CTNNA1: variants seen among roughly 807,000 people sequenced by gnomAD.
The protein encoded by CTNNA1 is catenin alpha-1.
Under a neutral mutation model 98.4 loss-of-function variants are expected in CTNNA1, and 37 were observed. That is an observed-to-expected ratio of 0.38 (90% CI 0.29 to 0.49). The LOEUF (loss-of-function observed/expected upper bound fraction) is 0.49, where lower values mean the gene tolerates loss of function less well. Ranked by LOEUF, CTNNA1 falls within the 20% of genes least tolerant of loss-of-function variation. The pLI is 0.95. For missense variants in CTNNA1, 761 were observed against 1,147.2 expected, an observed-to-expected ratio of 0.66 and a Z score of 4.86; for synonymous variants, 404 against 413.2, an observed-to-expected ratio of 0.98 and a Z score of 0.27.
chr5:138,874,901 G>C lies in CTNNA1; in HGVS notation c.1063-11311G>C. ...AATGTACAAGACATATAAATGCACA[G>C]ACTTACCCATTCTTCTGAGCACATT... On this transcript the variant is annotated intron_variant, in intron 7 of 17. Transcript: ENST00000302763. This position sits in a 1 kb window ranked among gnomAD's most constrained non-coding sequence, Gnocchi z 4.1. 1 of 1,612,986 alleles carries C rather than the reference G, an allele frequency of 6.2e-7. No individual in the cohort carries two copies. The highest frequency in any genetic ancestry group is 8.5e-7 in the Non-Finnish European group (1 of 1,179,246).
At chr5:138,924,438 G>A in intron 11 of CTNNA1, 72 bp from the exon 12 acceptor site, 1 of 1,476,234 alleles carries the variant, frequency 6.8e-7, no homozygotes, top group East Asian at 2.3e-5. Context: ...ATAAATGATA[G>A]ATGCCAGCTT....
At chr5:138,828,674 G>A (rs189518883) in intron 7 of CTNNA1, among the ~76,000 whole-genome samples, 3 of 152,120 alleles carry the variant, frequency 2.0e-5, no homozygotes, top group South Asian at 2.1e-4. Context: ...TCATTTGTTC[G>A]TTTGCCATAC....
chr5:138,788,912 A>G (rs754062414), intron 3 of CTNNA1, among the ~76,000 whole-genome samples: 6 of 152,210 alleles, frequency 3.9e-5, no homozygotes, highest in Non-Finnish European at 8.8e-5. Context: ...CTACTTCTGT[A>G]GCTTCTTCCC....
intron 11 of CTNNA1, among the ~76,000 whole-genome samples, chr5:138,920,545 A>C (rs1762719759): frequency 6.6e-6 from 1 of 152,254 alleles, no homozygotes; most frequent in Non-Finnish European, 1.5e-5. Flanking sequence ...CTTTTGAGGT[A>C]GGTGGGCTTC....
At chr5:138,767,129 C>T (rs1313312832) in intron 1 of CTNNA1, among the ~76,000 whole-genome samples, 9 of 152,084 alleles carry the variant, frequency 5.9e-5, no homozygotes, top group East Asian at 3.9e-4. Flanking sequence ...CTCCTCCTCC[C>T]GGGTTCACGC....
intron 14 of CTNNA1, 145 bp downstream of exon 14, chr5:138,929,501 T>G (rs563149118): frequency 5.0e-6 from 3 of 604,566 alleles, no homozygotes; most frequent in African/African-American, 3.7e-5. Context: ...TTAAACTAAG[T>G]TGTGGCACCT....
chr5:138,899,872 A>G (rs1236798914), intron 9 of CTNNA1, among the ~76,000 whole-genome samples: 1 of 152,264 alleles, frequency 6.6e-6, no homozygotes, highest in East Asian at 1.9e-4. Context: ...TTTTAAGTGT[A>G]CAATTCAGAT....
At chr5:138,779,318 T>G (rs1580962714) in intron 1 of CTNNA1, among the ~76,000 whole-genome samples, 2 of 152,226 alleles carry the variant, frequency 1.3e-5, no homozygotes, top group African/African-American at 2.4e-5. Context: ...CCCTTTCTTT[T>G]GAGGATCCCT....
chr5:138,838,380 C>G (rs1412420865), intron 7 of CTNNA1, among the ~76,000 whole-genome samples: 1 of 152,218 alleles, frequency 6.6e-6, no homozygotes, highest in Non-Finnish European at 1.5e-5. Flanking sequence ...TAATCTCTTA[C>G]TATCCTTCTA....
chr5:138,813,893 C>T (rs1340194728), intron 5 of CTNNA1, among the ~76,000 whole-genome samples: 5 of 152,182 alleles, frequency 3.3e-5, no homozygotes, highest in Admixed American at 2.0e-4. Flanking sequence ...ACTGGGATTA[C>T]AGGCATGAGC....
At chr5:138,879,833 T>A (rs1752507280) in intron 7 of CTNNA1, among the ~76,000 whole-genome samples, 1 of 152,082 alleles carries the variant, frequency 6.6e-6, no homozygotes, top group East Asian at 1.9e-4. Flanking sequence ...GGATTCTGAT[T>A]ACACTAACAA....
chr5:138,801,046 C>T (rs1757523569), intron 3 of CTNNA1, among the ~76,000 whole-genome samples: 1 of 152,196 alleles, frequency 6.6e-6, no homozygotes, highest in African/African-American at 2.4e-5. Flanking sequence ...GATCACTTTT[C>T]ACTGTCATGC....
intron 7 of CTNNA1, chr5:138,870,457 A>G (rs534890709): frequency 1.3e-5 from 2 of 152,334 alleles, no homozygotes; most frequent in South Asian, 2.1e-4. Flanking sequence ...TTTCAACTGG[A>G]AAGTATGCCT....
At position 138,824,718 on chromosome 5, in the gene CTNNA1, C is replaced by T. The variant is rs767313079; in HGVS notation, c.777C>T (p.Ala259=). ...CGGTCACAGGCATTTCCAATGCAGC[C>T]CAGGCCACTGCCTCAGACGATGCCT... ...QQAVTGISNA[A]QATASDDASQ... Residue 259 remains alanine (A), a synonymous_variant, in exon 6 of 18, where the codon GCC becomes GCT. Transcript: ENST00000302763. The T allele has an allele frequency of 2.5e-6, 4 of 1,614,200 alleles. No individual in the cohort carries two copies. The highest frequency in any genetic ancestry group is 4.5e-5 in the East Asian group (2 of 44,876).
In CTNNA1 at chr5:138,753,479, C is replaced by T. The variant is rs748928418; in HGVS notation, c.-34C>T. On this transcript the variant is annotated 5_prime_UTR_variant, in exon 1 of 18. Transcript: ENST00000302763. ...AGCAGCGCCCGTCTGCTTCGGGCCT[C>T]TGGAATTTAGCGCTCGCCCAGCTAG... 33 of 379,270 alleles carry T rather than the reference C, an allele frequency of 8.7e-5. No homozygotes were observed. Among genetic ancestry groups the T allele is most frequent in the Non-Finnish European group, 1.5e-4 (31 of 213,498 alleles). The allele number at this position is 379,270 out of a possible 1,614,324, so 23.5% of individuals were successfully genotyped here. A position where few individuals can be genotyped will look rare whatever the true frequency, so the allele number is the denominator to read the frequency against.
rs529060885 is a variant in CTNNA1 at position 138,778,599 on chromosome 5, G to A, written c.-2-3324G>A. ...GGGAGTTACTATGACACTAGATCAC[G>A]CTACTGAGAAACTGAATGCTAATCT... is the stretch of plus-strand genomic sequence containing the variant. On this transcript the variant is annotated intron_variant, in intron 1 of 17. Transcript: ENST00000302763. 2.2e-4 allele frequency among the ~76,000 whole-genome samples: 33 copies of A among 152,198 alleles called. No homozygotes were observed. The South Asian group carries it at 6.4e-3, about 30-fold the overall frequency.
At chr5:138,907,470 G>T (rs74994764) in intron 10 of CTNNA1, among the ~76,000 whole-genome samples, 3 of 152,192 alleles carry the variant, frequency 2.0e-5, no homozygotes, top group African/African-American at 7.2e-5. Context: ...GCTGTGGCCC[G>T]TGTGTTTCAT....
At chr5:138,771,364 TTTA>T (rs1355323896) in intron 1 of CTNNA1, among the ~76,000 whole-genome samples, 1 of 151,898 alleles carries the variant, frequency 6.6e-6, no homozygotes, top group African/African-American at 2.4e-5. Flanking sequence ...ATTCAAGTGT[TTTA>T]TTATTATTAT....
chr5:138,814,817 G>A (rs770988624), intron 5 of CTNNA1, among the ~76,000 whole-genome samples: 3 of 151,754 alleles, frequency 2.0e-5, no homozygotes, highest in African/African-American at 4.8e-5. Flanking sequence ...GCAGTGGTGC[G>A]ATCTCGGCTC....
Sources: gnomAD v4.1 joint callset for allele counts (sites outside exome capture counted in the v4.1 genomes callset) on GRCh38, gnomAD v4.1.1 for gene constraint, Gnocchi (gnomAD v3.1) non-coding constraint, MANE v1.5 for transcripts, NCBI Gene and HGNC (gene_info 2026-07-23, HGNC 2026-07-21) for gene names.